TSPAN18: variants seen among roughly 807,000 people sequenced by gnomAD.
The protein encoded by TSPAN18 is tetraspanin-18.
Under a neutral mutation model 27.3 loss-of-function variants are expected in TSPAN18, and 14 were observed. The observed-to-expected ratio is 0.51, with a 90% confidence interval of 0.34 to 0.80. The LOEUF is 0.80. Ranked by LOEUF, TSPAN18 falls within the 30% of genes least tolerant of loss-of-function variation. The pLI is 0.01. For missense variants in TSPAN18, 268 were observed against 323.9 expected (o/e 0.83, Z 1.32); for synonymous variants, 143 against 136.5 (o/e 1.05, Z -0.33).
chr11:44,850,102 C>T (rs1320089319), intron 2 of TSPAN18, among the ~76,000 whole-genome samples: 1 of 152,214 alleles, frequency 6.6e-6, no homozygotes, highest in Non-Finnish European at 1.5e-5. Context: ...TTGTTCTCGG[C>T]TCCCTTCCTC....
chr11:44,879,480 AAGGTCTCT>A (rs1858430900), intron 3 of TSPAN18, among the ~76,000 whole-genome samples: 1 of 152,236 alleles, frequency 6.6e-6, no homozygotes, highest in African/African-American at 2.4e-5. Flanking sequence ...GGGCTTAGGG[AAGGTCTCT>A]GTCTTCGAGC....
At chr11:44,910,410 G>A (rs60430115) in intron 5 of TSPAN18, among the ~76,000 whole-genome samples, 1,631 of 152,354 alleles carry the variant, frequency 0.011, 31 homozygotes, top group African/African-American at 0.038. Context: ...GGTGGCCCCA[G>A]CTTCCAGAGC....
chr11:44,870,510 A>G (rs78259800), intron 3 of TSPAN18, among the ~76,000 whole-genome samples: 2,639 of 152,146 alleles, frequency 0.017, 84 homozygotes, highest in African/African-American at 0.06. Flanking sequence ...CTCGGTACCA[A>G]TCTCCACACT....
intron 3 of TSPAN18, among the ~76,000 whole-genome samples, chr11:44,900,680 C>CTTTTTTTT (rs72469181): frequency 2.2e-4 from 11 of 49,732 alleles, no homozygotes; most frequent in African/African-American, 9.9e-4. Context: ...TTGAGGAAGG[C>CTTTTTTTT]TTTTTTTTTT....
chr11:44,834,403 G>A (rs1857221435), intron 2 of TSPAN18, among the ~76,000 whole-genome samples: 1 of 152,220 alleles, frequency 6.6e-6, no homozygotes, highest in South Asian at 2.1e-4. Flanking sequence ...ACAGCCCCAG[G>A]GAGAGGACTG....
At chr11:44,778,137 G>A (rs1855857361) in intron 2 of TSPAN18, among the ~76,000 whole-genome samples, 1 of 152,114 alleles carries the variant, frequency 6.6e-6, no homozygotes, top group Non-Finnish European at 1.5e-5. Flanking sequence ...AGAAATGGGG[G>A]CTGGGCTGGG....
Position 44,914,885 on chromosome 11 carries a change from G to A in TSPAN18, c.259-3087G>A, listed in dbSNP as rs993455417. Among the ~76,000 whole-genome samples, 6 of 152,124 alleles carry A rather than the reference G, an allele frequency of 3.9e-5. No homozygotes were observed. In the East Asian group the frequency reaches 5.8e-4, roughly 15 times the overall value. ...GCCGCCCACACCAGCACTTGTCTTCGGGAAGGATGTGCTTCCTCTGGGCTC... is the reference window on the plus strand; with the variant it reads ...GCCGCCCACACCAGCACTTGTCTTCAGGAAGGATGTGCTTCCTCTGGGCTC... On this transcript the variant is annotated intron_variant, in intron 5 of 9. Transcript: ENST00000520358.
At chr11:44,865,032 G>A (rs1418954152) in intron 3 of TSPAN18, among the ~76,000 whole-genome samples, 1 of 152,218 alleles carries the variant, frequency 6.6e-6, no homozygotes, top group Admixed American at 6.5e-5. Context: ...CCTCAGCCGG[G>A]GTGGTTGGAC....
chr11:44,907,167 G>T (rs542750250), intron 4 of TSPAN18, among the ~76,000 whole-genome samples: 6 of 152,194 alleles, frequency 3.9e-5, no homozygotes, highest in African/African-American at 1.4e-4. Flanking sequence ...TCAGGTGGCC[G>T]GCCCACCTGC....
At chr11:44,918,282 C>A (rs577675140) in intron 6 of TSPAN18, among the ~76,000 whole-genome samples, 2 of 152,226 alleles carry the variant, frequency 1.3e-5, no homozygotes, top group African/African-American at 4.8e-5. Context: ...TCTGGTACAA[C>A]CCCATACCTT....
At chr11:44,727,707 T>C (rs1854549998) in intron 1 of TSPAN18, among the ~76,000 whole-genome samples, 1 of 151,580 alleles carries the variant, frequency 6.6e-6, no homozygotes, top group African/African-American at 2.4e-5. Flanking sequence ...GACCAGGGAC[T>C]GGGAGCGGCG....
chr11:44,785,942 T>C (rs955332310), intron 2 of TSPAN18, among the ~76,000 whole-genome samples: 1 of 152,234 alleles, frequency 6.6e-6, no homozygotes, highest in Non-Finnish European at 1.5e-5. Flanking sequence ...CACTTAACTC[T>C]TCCTGTTTCC....
At chr11:44,796,718 G>A (rs1311471218) in intron 2 of TSPAN18, among the ~76,000 whole-genome samples, 7 of 152,108 alleles carry the variant, frequency 4.6e-5, no homozygotes, top group Admixed American at 6.5e-5. Context: ...ATACAGACCT[G>A]CTGAGCCCGG....
At chr11:44,813,801 A>T (rs534176145) in intron 2 of TSPAN18, among the ~76,000 whole-genome samples, 1 of 152,338 alleles carries the variant, frequency 6.6e-6, no homozygotes, top group East Asian at 1.9e-4. Flanking sequence ...CAGAGGGCAG[A>T]CTATCACAGA....
At chr11:44,746,972 A>G (rs1040430233) in intron 1 of TSPAN18, among the ~76,000 whole-genome samples, 3 of 152,186 alleles carry the variant, frequency 2.0e-5, no homozygotes, top group Non-Finnish European at 4.4e-5. Flanking sequence ...GAGATGTGGG[A>G]AACCCATTCT....
intron 2 of TSPAN18, among the ~76,000 whole-genome samples, chr11:44,817,037 A>T (rs945452432): frequency 4.6e-5 from 7 of 152,212 alleles, no homozygotes; most frequent in Admixed American, 2.0e-4. Flanking sequence ...GGCCACTTGA[A>T]TGAAGGCTTC....
intron 2 of TSPAN18, among the ~76,000 whole-genome samples, chr11:44,784,677 A>C (rs1238020883): frequency 6.6e-6 from 1 of 152,202 alleles, no homozygotes; most frequent in Non-Finnish European, 1.5e-5. Context: ...CTGCGTCCCC[A>C]GCCCTTGGGG....
At chr11:44,738,231 G>A (rs1854844777) in intron 1 of TSPAN18, among the ~76,000 whole-genome samples, 2 of 152,284 alleles carry the variant, frequency 1.3e-5, no homozygotes, top group Non-Finnish European at 2.9e-5. Context: ...AATCCTCCGT[G>A]TTCTTTGGCT....
At chr11:44,818,817 G>C (rs537269310) in intron 2 of TSPAN18, among the ~76,000 whole-genome samples, 5 of 152,166 alleles carry the variant, frequency 3.3e-5, no homozygotes, top group African/African-American at 4.8e-5. Context: ...GTCATATAAG[G>C]GGGGAGTCCT....
Sources: gnomAD v4.1 joint callset for allele counts (sites outside exome capture counted in the v4.1 genomes callset) on GRCh38, gnomAD v4.1.1 for gene constraint, MANE v1.5 for transcripts, NCBI Gene and HGNC (gene_info 2026-07-23, HGNC 2026-07-21) for gene names.